The following ZNF543 variants were observed in gnomAD, a reference collection of about 807,000 sequenced individuals.
The protein encoded by ZNF543 is zinc finger protein 543.
In ZNF543, 10 loss-of-function variants were observed where a neutral mutation model predicts 13.4. The ratio of observed to expected loss-of-function variants is 0.75; its 90% confidence interval spans 0.46 to 1.26. The LOEUF is 1.26. Ranked by LOEUF, ZNF543 falls within the 50% of genes most tolerant of loss-of-function variation. The pLI, the probability that ZNF543 is intolerant of heterozygous loss-of-function variation, is 0.00. For missense variants in ZNF543, 768 were observed against 741.2 expected (o/e 1.04, Z -0.42); for synonymous variants, 272 against 264.7 (o/e 1.03, Z -0.27).
chr19:57,320,846 G>T lies in ZNF543; in HGVS notation c.-8G>T, dbSNP rs56960413. On this transcript the variant is annotated 5_prime_UTR_variant, in exon 1 of 4. Transcript: ENST00000321545. ...TCCCGGGCCCCGCTAGGGCTGCAGG[G>T]TCTCAGGATGGCAGCCTCGGCGCAG... 0.07 allele frequency: 112,678 copies of T among 1,613,696 alleles called. 4,659 individuals carry two copies. Among genetic ancestry groups the T allele is most frequent in the East Asian group, 0.15 (6,749 of 44,838 alleles).
At chr19:57,324,452 G>A (rs1226891070) in intron 2 of ZNF543, among the ~76,000 whole-genome samples, 4 of 152,064 alleles carry the variant, frequency 2.6e-5, no homozygotes, top group Non-Finnish European at 2.9e-5. Context: ...GTGGCTGGGC[G>A]CAGGTTAGCA....
At chr19:57,324,721 A>C (rs1304062762) in intron 2 of ZNF543, among the ~76,000 whole-genome samples, 1 of 152,148 alleles carries the variant, frequency 6.6e-6, no homozygotes, top group Non-Finnish European at 1.5e-5. Flanking sequence ...ATTGCAGTAC[A>C]TTCTTAATGT....
chr19:57,323,931 C>A, intron 2 of ZNF543, 123 bp downstream of exon 2: 1 of 1,237,360 alleles, frequency 8.1e-7, no homozygotes, highest in Non-Finnish European at 1.1e-6. Context: ...TCACCATTGG[C>A]TCTGAGCGTA....
chr19:57,326,534 C>T, intron 2 of ZNF543, 99 bp from the exon 3 acceptor site: 1 of 853,290 alleles, frequency 1.2e-6, no homozygotes, highest in South Asian at 1.6e-5. Flanking sequence ...AGAATAGCTT[C>T]ACTTCATGGT....
chr19:57,326,754 G>A, intron 3 of ZNF543, 26 bp downstream of exon 3: 11 of 1,590,426 alleles, frequency 6.9e-6, no homozygotes, highest in Non-Finnish European at 9.5e-6. Context: ...TGGGAAGGTG[G>A]GGGTCATGGC....
Position 57,328,851 on chromosome 19 carries a change from G to C in ZNF543, c.1389G>C (p.Arg463Ser). Reference sequence around the variant, plus strand: ...AATGTGGAAAAGCCTTTAGTGATAGGGCAGACCTCATTCGCCACTTCAGCA... The same window carrying C: ...AATGTGGAAAAGCCTTTAGTGATAGCGCAGACCTCATTCGCCACTTCAGCA... ...CKECGKAFSD[R>S]ADLIRHFSIH... The change falls in exon 4 of 4, where the codon AGG becomes AGC. Residue 463 changes from arginine to serine, a missense_variant. By Grantham distance (110) the Arg-to-Ser change is moderately radical (BLOSUM62 -1). This residue lies in a region of ZNF543 where 677 missense variants were observed against 631.4 expected (regional missense o/e 1.07). Coordinates refer to ENST00000321545, the MANE Select transcript of ZNF543 (RefSeq NM_213598.4). 1.2e-6 allele frequency: 2 copies of C among 1,613,282 alleles called. No individual in the cohort carries two copies. The highest frequency in any genetic ancestry group is 1.7e-6 in the Non-Finnish European group (2 of 1,179,854).
rs2088131615 is a variant in ZNF543 at position 57,327,762 on chromosome 19, G to A, written c.300G>A (p.Glu100=). 6.2e-7 allele frequency: 1 copy of A among 1,613,932 alleles called. No homozygotes were observed. Among genetic ancestry groups the A allele is most frequent in the South Asian group, 1.1e-5 (1 of 91,074 alleles). ...CCTTTTCTCACCTGGCCTTGCCTGA[G>A]GAAGTCTTACTCCAGGAACAACTGA... ...EPTFSHLALP[E]EVLLQEQLTQ... is the part of the protein sequence containing the mutation. The change falls in exon 4 of 4, where the codon GAG becomes GAA. Residue 100 remains glutamate (E), a synonymous_variant. Coordinates refer to ENST00000321545, the MANE Select transcript of ZNF543 (RefSeq NM_213598.4).
chr19:57,324,344 G>C (rs887132888), intron 2 of ZNF543, among the ~76,000 whole-genome samples: 2 of 129,482 alleles, frequency 1.5e-5, no homozygotes, highest in African/African-American at 6.3e-5. Context: ...GTGTGAGAGA[G>C]ACTCCGTCTG....
In ZNF543 at chr19:57,329,012, G is replaced by A; in HGVS notation, c.1550G>A (p.Cys517Tyr). 6.2e-7 allele frequency: 1 copy of A among 1,614,050 alleles called. No individual in the cohort carries two copies. The highest frequency in any genetic ancestry group is 1.7e-5 in the Admixed American group (1 of 60,008). The change falls in exon 4 of 4, where the codon TGC becomes TAC. Residue 517 changes from cysteine to tyrosine, a missense_variant. Coordinates refer to ENST00000321545, the MANE Select transcript of ZNF543 (RefSeq NM_213598.4). ...TGCATCCAGTGTGGGAAAGCCTTTTGCCGGAGCGCAAACCTTATTCGACAC... is the reference window on the plus strand; with the variant it reads ...TGCATCCAGTGTGGGAAAGCCTTTTACCGGAGCGCAAACCTTATTCGACAC... ...YECIQCGKAF[C>Y]RSANLIRHSI... is the part of the protein sequence containing the mutation.
rs1289554794 is a variant in ZNF543, at chr19:57,326,872, C to A, written c.241+144C>A. 1.0e-5 allele frequency: 6 copies of A among 581,786 alleles called. No individual in the cohort carries two copies. In the East Asian group the frequency reaches 1.5e-4, roughly 15 times the overall value. 36.0% of individuals were successfully genotyped at this position (581,786 alleles called of 1,614,324 possible). ...CATGGAGCCTCTCCCCGCCCGCCCC[C>A]CCCCACCCGCCTTCAGACAGGGTTT... On this transcript the variant is annotated intron_variant, in intron 3 of 3. Coordinates refer to ENST00000321545, the MANE Select transcript of ZNF543 (RefSeq NM_213598.4).
In ZNF543 at chr19:57,328,405, G is replaced by A; in HGVS notation, c.943G>A (p.Glu315Lys). 2.5e-6 allele frequency: 4 copies of A among 1,613,792 alleles called. No homozygotes were observed. The highest frequency in any genetic ancestry group is 4.5e-5 in the East Asian group (2 of 44,840). The change falls in exon 4 of 4, where the codon GAG becomes AAG. Residue 315 changes from glutamate (E) to lysine (K), a missense_variant. Physicochemically the swap from Glu to Lys is moderately conservative, Grantham distance 56 (BLOSUM62 1). This residue lies in a region of ZNF543 where 677 missense variants were observed against 631.4 expected (regional missense o/e 1.07). Transcript: ENST00000321545. ...TGGAGAAAAACCCTTTGTGTGCAAA[G>A]AGTGTGGCAAAGCCTTTCGAGATAG... is the stretch of plus-strand genomic sequence containing the variant. ...HTGEKPFVCK[E>K]CGKAFRDRPG...
In ZNF543 at chr19:57,329,512, A is replaced by T; in HGVS notation, c.*247A>T. On this transcript the variant is annotated 3_prime_UTR_variant, in exon 4 of 4. Transcript: ENST00000321545. ...TTTACAGTGAAATATTATCTCAGGG[A>T]TATTTTTTTTTTTTTTTTGAGACGG... 2.6e-6 allele frequency: 1 copy of T among 390,024 alleles called. No individual in the cohort carries two copies. Among genetic ancestry groups the T allele is most frequent in the Non-Finnish European group, 4.5e-6 (1 of 224,698 alleles). The allele number at this position is 390,024 out of a possible 1,614,324, so 24.2% of individuals were successfully genotyped here. A position where few individuals can be genotyped will look rare whatever the true frequency, so the allele number is the denominator to read the frequency against.
intron 3 of ZNF543, 135 bp downstream of exon 3, chr19:57,326,863 G>GCCCCCCTCCCC (rs752772288): frequency 1.8e-6 from 1 of 568,890 alleles, no homozygotes; most frequent in Non-Finnish European, 3.0e-6. Context: ...GCCTCTCCCC[G>GCCCCCCTCCCC]CCCGCCCCCC....
Position 57,329,370 on chromosome 19 carries a change from C to A in ZNF543, c.*105C>A. 1 of 1,459,360 alleles carries A rather than the reference C, an allele frequency of 6.9e-7. No individual in the cohort carries two copies. Among genetic ancestry groups the A allele is most frequent in the Non-Finnish European group, 9.1e-7 (1 of 1,097,132 alleles). The allele number at this position is 1,459,360 out of a possible 1,614,324, so 90.4% of individuals were successfully genotyped here. ...GATGATCATTTGTCGTCTAAACAATCAAGTTAGAAATTGAACCAGCCTGGA... is the reference window on the plus strand; with the variant it reads ...GATGATCATTTGTCGTCTAAACAATAAAGTTAGAAATTGAACCAGCCTGGA... On this transcript the variant is annotated 3_prime_UTR_variant, in exon 4 of 4. Transcript: ENST00000321545.
intron 2 of ZNF543, among the ~76,000 whole-genome samples, chr19:57,326,244 A>G (rs2088119807): frequency 6.6e-6 from 1 of 152,000 alleles, no homozygotes; most frequent in Admixed American, 6.6e-5. Context: ...GTGCAGTGGC[A>G]TGATCTCGGT....
In ZNF543 at chr19:57,328,697, AG is replaced by A; in HGVS notation, c.1236del (p.Gln412HisfsTer154). ...KAFNRRSHLK[Q>X]HQRIHTGEKP... ...TTCAACCGTAGGTCACACCTCAAGC[AG>A]CATCAACGGATTCACACTGGGGAGA... On this transcript the variant is annotated frameshift_variant, in exon 4 of 4. Coordinates refer to ENST00000321545, the MANE Select transcript of ZNF543 (RefSeq NM_213598.4). LOFTEE classifies it low-confidence loss of function (END_TRUNC). 4 of 1,612,930 alleles carry A rather than the reference AG, an allele frequency of 2.5e-6. No homozygotes were observed. Among genetic ancestry groups the A allele is most frequent in the Non-Finnish European group, 2.5e-6 (3 of 1,179,504 alleles).
chr19:57,321,011 C>A, intron 1 of ZNF543, 140 bp downstream of exon 1: 1 of 1,201,078 alleles, frequency 8.3e-7, no homozygotes, highest in Non-Finnish European at 1.2e-6. Flanking sequence ...TTGTCATTTC[C>A]TTTATCCGCA....
intron 3 of ZNF543, 43 bp from the exon 4 acceptor site, chr19:57,327,661 T>TG: frequency 6.5e-7 from 1 of 1,545,212 alleles, no homozygotes; most frequent in Non-Finnish European, 8.7e-7. Flanking sequence ...TTTTCTATAA[T>TG]GCCATCTCTA....
At chr19:57,323,324 T>C (rs1044360062) in intron 1 of ZNF543, among the ~76,000 whole-genome samples, 6 of 151,996 alleles carry the variant, frequency 3.9e-5, no homozygotes, top group Non-Finnish European at 8.8e-5. Flanking sequence ...CCCGAGTAGC[T>C]GGGAATACAG....
Sources: allele counts gnomAD v4.1 joint callset (sites outside exome capture counted in the v4.1 genomes callset), GRCh38; gene constraint gnomAD v4.1.1; regional missense constraint gnomAD v4.1.1; transcripts MANE v1.5; gene names NCBI Gene and HGNC (gene_info 2026-07-23, HGNC 2026-07-21).